Variants in LRCH1 observed in about 807,000 individuals in gnomAD.
LRCH1 encodes leucine-rich repeat and calponin homology domain-containing protein 1.
A neutral mutation model predicts 94.9 loss-of-function variants in LRCH1; 23 were observed. The ratio of observed to expected loss-of-function variants is 0.24; its 90% CI spans 0.17 to 0.34. The LOEUF is 0.34. Among genes scored for constraint, LRCH1 ranks in the 10% least tolerant of loss-of-function variants. The probability of loss-of-function intolerance (pLI) is 1.00; values close to 1 mark genes in which losing one functional copy is unlikely to be tolerated. For missense variants in LRCH1, 790 were observed against 945.9 expected (o/e 0.84, Z 2.16); for synonymous variants, 364 against 354.9 (o/e 1.03, Z -0.29).
At chr13:46,616,693 C>T (rs1234901775) in intron 1 of LRCH1, among the ~76,000 whole-genome samples, 1 of 152,166 alleles carries the variant, frequency 6.6e-6, no homozygotes, top group Non-Finnish European at 1.5e-5. Flanking sequence ...CTTTTAGAGA[C>T]GGCACCAAAT....
intron 1 of LRCH1, among the ~76,000 whole-genome samples, chr13:46,603,925 G>T (rs573597189): frequency 8.5e-5 from 13 of 152,264 alleles, no homozygotes; most frequent in Admixed American, 7.8e-4. Flanking sequence ...CTAAAATGTT[G>T]GCATTATAGG....
intron 1 of LRCH1, among the ~76,000 whole-genome samples, chr13:46,614,951 G>A (rs977107864): frequency 3.3e-5 from 5 of 152,024 alleles, no homozygotes; most frequent in African/African-American, 9.7e-5. Flanking sequence ...CTCATTCCAC[G>A]GCCACCCCAC....
intron 1 of LRCH1, among the ~76,000 whole-genome samples, chr13:46,614,551 T>A (rs1034712742): frequency 1.6e-4 from 24 of 152,232 alleles, no homozygotes; most frequent in South Asian, 4.1e-4. Flanking sequence ...AAACTTTTTT[T>A]AAAAAGTTTT....
Position 46,731,238 on chromosome 13 carries a change from A to G in LRCH1, c.2007+2254A>G, listed in dbSNP as rs138327043. On this transcript the variant is annotated intron_variant, in intron 18 of 19. Transcript: ENST00000389797. ...ACCTAAATATTTCCCCATGTCATTA[A>G]AATTCTCTTTTTTTTCTGGAGATGG... is the stretch of plus-strand genomic sequence containing the variant. Among the ~76,000 whole-genome samples, 274 of 151,634 alleles carry G rather than the reference A, an allele frequency of 1.8e-3. 1 individual carries two copies. Among genetic ancestry groups the G allele is most frequent in the African/African-American group, 6.2e-3 (257 of 41,322 alleles).
At chr13:46,712,387 TGGCCAGGA>T in intron 14 of LRCH1, 130 bp from the exon 15 acceptor site, 2 of 649,300 alleles carry the variant, frequency 3.1e-6, no homozygotes, top group African/African-American at 1.8e-5. Flanking sequence ...TGATTTTTTT[TGGCCAGGA>T]CTTCATCACA....
chr13:46,736,184 A>G (rs1430814979), intron 19 of LRCH1, among the ~76,000 whole-genome samples: 3 of 151,510 alleles, frequency 2.0e-5, no homozygotes, highest in Admixed American at 1.3e-4. Context: ...GAATAATCCA[A>G]TAGCATTTTA....
intron 16 of LRCH1, among the ~76,000 whole-genome samples, chr13:46,717,901 G>C (rs1304866902): frequency 6.6e-6 from 1 of 152,086 alleles, no homozygotes; most frequent in Non-Finnish European, 1.5e-5. Flanking sequence ...TTGGCAACCT[G>C]GGTAGAAGGT....
chr13:46,652,721 C>T (rs770344695), intron 2 of LRCH1, among the ~76,000 whole-genome samples: 5 of 152,172 alleles, frequency 3.3e-5, no homozygotes, highest in Non-Finnish European at 7.3e-5. Context: ...TACTTACCTA[C>T]TCCTGTCCTG....
chr13:46,681,623 T>C, intron 3 of LRCH1, 118 bp from the exon 4 acceptor site: 3 of 724,758 alleles, frequency 4.1e-6, no homozygotes, highest in Non-Finnish European at 7.5e-6. Context: ...TGGAGATGAA[T>C]ATAAAAGTGT....
intron 13 of LRCH1, among the ~76,000 whole-genome samples, chr13:46,711,278 A>G (rs570830753): frequency 6.6e-6 from 1 of 152,328 alleles, no homozygotes; most frequent in East Asian, 1.9e-4. Flanking sequence ...ACATTTTATG[A>G]CAGAAAAAAT....
intron 1 of LRCH1, among the ~76,000 whole-genome samples, chr13:46,585,392 A>T (rs1344997293): frequency 6.6e-6 from 1 of 152,034 alleles, no homozygotes; most frequent in African/African-American, 2.4e-5. Context: ...TCTCGCTAAC[A>T]CGGTGAAACC....
At chr13:46,659,007 T>G (rs2051411212) in intron 2 of LRCH1, among the ~76,000 whole-genome samples, 2 of 152,160 alleles carry the variant, frequency 1.3e-5, no homozygotes, top group African/African-American at 4.8e-5. Context: ...ACATTTTAAT[T>G]TGGGGCTTCA....
chr13:46,726,762 C>A (rs1370428072), intron 17 of LRCH1, among the ~76,000 whole-genome samples: 2 of 151,758 alleles, frequency 1.3e-5, no homozygotes, highest in African/African-American at 2.4e-5. Context: ...ACCCCTCCCC[C>A]ACTCCCTGGC....
intron 15 of LRCH1, among the ~76,000 whole-genome samples, chr13:46,714,176 A>G (rs920013863): frequency 2.6e-5 from 4 of 152,148 alleles, no homozygotes; most frequent in African/African-American, 9.7e-5. Context: ...TTTCCTTTCC[A>G]AGCTTCCAGC....
intron 2 of LRCH1, among the ~76,000 whole-genome samples, chr13:46,661,987 C>T (rs887302160): frequency 4.6e-5 from 7 of 152,120 alleles, no homozygotes; most frequent in Admixed American, 3.3e-4. Context: ...TTGAGGCAGG[C>T]GGATCACGAG....
At chr13:46,750,890 T>G (rs967080942) in exon 19 of LRCH1, 1 of 372,260 alleles carries the variant, frequency 2.7e-6, no homozygotes, top group African/African-American at 2.1e-5. Flanking sequence ...AAAAAAAAAC[T>G]GAGCAGCACA....
At chr13:46,572,909 C>G (rs1178102097) in intron 1 of LRCH1, among the ~76,000 whole-genome samples, 2 of 152,066 alleles carry the variant, frequency 1.3e-5, no homozygotes, top group East Asian at 3.9e-4. Context: ...CTTGCAACCA[C>G]GTTGCCTGGG....
intron 15 of LRCH1, among the ~76,000 whole-genome samples, chr13:46,714,973 G>C (rs1433332868): frequency 6.6e-6 from 1 of 152,086 alleles, no homozygotes; most frequent in South Asian, 2.1e-4. Context: ...GAATTAGCTA[G>C]ATTCAGCTAT....
intron 1 of LRCH1, among the ~76,000 whole-genome samples, chr13:46,592,289 A>G (rs1340578380): frequency 2.0e-5 from 3 of 152,228 alleles, no homozygotes; most frequent in African/African-American, 7.2e-5. Flanking sequence ...AGGAGACAAC[A>G]TCCCAAGTTA....
Sources: allele counts gnomAD v4.1 joint callset (sites outside exome capture counted in the v4.1 genomes callset), GRCh38; gene constraint gnomAD v4.1.1; transcripts MANE v1.5; gene names NCBI Gene and HGNC (gene_info 2026-07-23, HGNC 2026-07-21).